The following MAP3K15 variants were observed in gnomAD, a reference collection of about 807,000 sequenced individuals.
MAP3K15 encodes the protein MAPK/ERK kinase kinase 15.
A neutral mutation model predicts 99.5 loss-of-function variants in MAP3K15; 124 were observed. That is an observed-to-expected ratio of 1.25 (90% CI 1.08 to 1.45). The LOEUF (loss-of-function observed/expected upper bound fraction) is 1.45, where lower values mean the gene tolerates loss of function less well. MAP3K15 is among the 40% of genes most tolerant of loss of function. The probability of loss-of-function intolerance (pLI) is 0.00; values close to 1 mark genes in which losing one functional copy is unlikely to be tolerated. For synonymous variants in MAP3K15, 494 were observed against 439.6 expected (o/e 1.12, Z -1.55); for missense variants, 1,242 against 1,079.7 (o/e 1.15, Z -2.11).
intron 1 of MAP3K15, among the ~76,000 whole-genome samples, chrX:19,493,006 T>C (rs73455677): frequency 0.28 from 30,272 of 109,916 alleles, 4,677 homozygotes; most frequent in African/African-American, 0.59. Flanking sequence ...CATAGTGATG[T>C]TATGAAAAAG....
intron 24 of MAP3K15, 142 bp from the exon 25 acceptor site, chrX:19,369,361 C>A (rs920811487): frequency 1.6e-5 from 10 of 611,239 alleles, no homozygotes; most frequent in Non-Finnish European, 2.6e-5. Context: ...GCTGACTTTA[C>A]AAATGGAGAA....
At position 19,360,244 on chromosome X, in the gene MAP3K15, A is replaced by ATCAG. The variant is rs1160638767; in HGVS notation, c.*501_*504dup. The ATCAG allele has an allele frequency of 3.8e-5, 5 of 132,919 alleles. No individual in the cohort carries two copies. The highest frequency in any genetic ancestry group is 4.5e-5 in the Non-Finnish European group (3 of 66,624). 11.0% of individuals were successfully genotyped at this position (132,919 alleles called of 1,213,427 possible). A position where few individuals can be genotyped will look rare whatever the true frequency, so the allele number is the denominator to read the frequency against. On this transcript the variant is annotated 3_prime_UTR_variant, in exon 29 of 29. Coordinates refer to ENST00000338883, the MANE Select transcript of MAP3K15 (RefSeq NM_001001671.4). ...AACATTAACTACAAGGCACATTCGTATCAGTTTTGTGTTTCTCAAATTGAA... is the reference window on the plus strand; with the variant it reads ...AACATTAACTACAAGGCACATTCGTATCAGTCAGTTTTGTGTTTCTCAAATTGAA...
chrX:19,424,277 TAC>T (rs1359774756), intron 9 of MAP3K15, among the ~76,000 whole-genome samples: 1 of 104,558 alleles, frequency 9.6e-6, no homozygotes, highest in Non-Finnish European at 1.9e-5. Flanking sequence ...CACACATATA[TAC>T]ACACATATAT....
chrX:19,417,425 G>A lies in MAP3K15; in HGVS notation c.1440-2168C>T, dbSNP rs187688196. Among the ~76,000 whole-genome samples the A allele has an allele frequency of 4.7e-3, 531 of 112,102 alleles. 2 individuals carry two copies. The highest frequency in any genetic ancestry group is 8.7e-3 in the Admixed American group (92 of 10,583). The stretch of plus-strand genomic sequence containing the variant: ...CCGCGCCTGGCTCAGAGGGTCCTAC[G>A]CCCAGAGCCTCACTCATTGCTAGCA... On this transcript the variant is annotated intron_variant, in intron 9 of 28. Transcript: ENST00000338883.
intron 3 of MAP3K15, among the ~76,000 whole-genome samples, chrX:19,478,961 C>G (rs2147387158): frequency 9.0e-6 from 1 of 111,187 alleles, no homozygotes; most frequent in South Asian, 3.8e-4. Context: ...GTGCTTGTCT[C>G]CATGGTGCCT....
At chrX:19,370,251 T>C (rs1244148369) in intron 24 of MAP3K15, among the ~76,000 whole-genome samples, 1 of 112,238 alleles carries the variant, frequency 8.9e-6, no homozygotes, top group Non-Finnish European at 1.9e-5. Flanking sequence ...AACTACTACA[T>C]GATGATTCAG....
chrX:19,502,417 C>T (rs754987777), intron 1 of MAP3K15, among the ~76,000 whole-genome samples: 1 of 111,604 alleles, frequency 9.0e-6, no homozygotes, highest in African/African-American at 3.3e-5. Context: ...CCTGTGCTCT[C>T]TCTCTCTCCT....
At chrX:19,369,722 C>T (rs756287248) in intron 24 of MAP3K15, among the ~76,000 whole-genome samples, 2 of 110,937 alleles carry the variant, frequency 1.8e-5, no homozygotes, top group African/African-American at 3.3e-5. Flanking sequence ...CAAGACCATC[C>T]TGGCCAACAT....
chrX:19,464,144 C>T lies in MAP3K15; in HGVS notation c.719+69G>A, dbSNP rs773367338. ...CAACTCTGTTCATTTGAAGGTGTAC[C>T]GCTTCCCTGAAAGAAATGGGGACAT... is the stretch of plus-strand genomic sequence containing the variant. On this transcript the variant is annotated intron_variant, in intron 4 of 28. Transcript: ENST00000338883. The T allele has an allele frequency of 2.8e-4, 267 of 946,830 alleles. 1 individual carries two copies. The South Asian group carries it at 5.0e-3, about 18-fold the overall frequency. 78.0% of individuals were successfully genotyped at this position (946,830 alleles called of 1,213,427 possible).
chrX:19,416,369 G>A (rs775644109), intron 9 of MAP3K15, among the ~76,000 whole-genome samples: 192 of 111,094 alleles, frequency 1.7e-3, no homozygotes, highest in African/African-American at 6.0e-3. Context: ...TCCACCGTGT[G>A]AGACTGATCA....
In MAP3K15 at chrX:19,501,793, C is replaced by T. The variant is rs1811477; in HGVS notation, c.362-12826G>A. ...TCAATAATTATTTAAGGGCTGGGTGCGGTGCCTTATGCCTGCAATCCTAGC... is the reference window on the plus strand; with the variant it reads ...TCAATAATTATTTAAGGGCTGGGTGTGGTGCCTTATGCCTGCAATCCTAGC... On this transcript the variant is annotated intron_variant, in intron 1 of 28. Transcript: ENST00000338883. Among the ~76,000 whole-genome samples the T allele has an allele frequency of 8.8e-3, 982 of 112,126 alleles. 18 individuals are homozygous for T. The highest frequency in any genetic ancestry group is 0.073 in the East Asian group (260 of 3,560).
chrX:19,468,377 T>C (rs1438505312), intron 3 of MAP3K15, among the ~76,000 whole-genome samples: 1 of 112,296 alleles, frequency 8.9e-6, no homozygotes, highest in Non-Finnish European at 1.9e-5. Flanking sequence ...GGAACAATTA[T>C]GCCTCAAGGT....
At chrX:19,398,186 G>A in intron 15 of MAP3K15, 40 bp downstream of exon 15, 1 of 1,207,405 alleles carries the variant, frequency 8.3e-7, no homozygotes, top group African/African-American at 1.7e-5. Flanking sequence ...CTGGGGTGTG[G>A]AGACGGCACC....
intron 14 of MAP3K15, among the ~76,000 whole-genome samples, 189 bp downstream of exon 14, chrX:19,400,387 G>C (rs755678234): frequency 1.8e-5 from 2 of 111,681 alleles, no homozygotes; most frequent in South Asian, 7.4e-4. Flanking sequence ...TTCTAACTGA[G>C]AGAATCCCAA....
At chrX:19,367,700 C>T (rs2063343875) in intron 25 of MAP3K15, among the ~76,000 whole-genome samples, 1 of 95,014 alleles carries the variant, frequency 1.1e-5, no homozygotes, top group Admixed American at 1.2e-4. Context: ...GAATGAGTAC[C>T]AACTCATTTG....
At chrX:19,498,127 G>C (rs2064418755) in intron 1 of MAP3K15, among the ~76,000 whole-genome samples, 1 of 98,155 alleles carries the variant, frequency 1.0e-5, no homozygotes, top group Non-Finnish European at 2.0e-5. Flanking sequence ...GCAAGCTTTG[G>C]CATGTATCAT....
intron 25 of MAP3K15, among the ~76,000 whole-genome samples, chrX:19,364,801 G>A (rs1409395140): frequency 2.8e-5 from 3 of 107,517 alleles, no homozygotes; most frequent in East Asian, 5.8e-4. Flanking sequence ...GCTGAGGCAG[G>A]AGAATCGCTT....
At chrX:19,424,264 A>G (rs1220555404) in intron 9 of MAP3K15, among the ~76,000 whole-genome samples, 2 of 106,497 alleles carry the variant, frequency 1.9e-5, no homozygotes. Context: ...ACACATATAT[A>G]TACACACATA....
chrX:19,445,755 C>T (rs1221709793), intron 6 of MAP3K15, among the ~76,000 whole-genome samples: 3 of 108,309 alleles, frequency 2.8e-5, no homozygotes, highest in Non-Finnish European at 3.8e-5. Flanking sequence ...GAGACCAGCC[C>T]GGCCAACATA....
Sources: gnomAD v4.1 joint callset for allele counts (sites outside exome capture counted in the v4.1 genomes callset) on GRCh38, gnomAD v4.1.1 for gene constraint, MANE v1.5 for transcripts, NCBI Gene and HGNC (gene_info 2026-07-23, HGNC 2026-07-21) for gene names.